The following CSMD1 variants were observed in gnomAD, a reference collection of about 807,000 sequenced individuals.
The protein encoded by CSMD1 is CUB and Sushi multiple domains 1.
In CSMD1, 213 loss-of-function variants were observed where a neutral mutation model predicts 417.5. The observed-to-expected ratio is 0.51, with a 90% CI of 0.46 to 0.57. The LOEUF is 0.57. Among genes scored for constraint, CSMD1 ranks in the 20% least tolerant of loss-of-function variants. The pLI, the probability that CSMD1 is intolerant of heterozygous loss-of-function variation, is 0.00. For synonymous variants in CSMD1, 2,862 were observed against 1,736.8 expected (o/e 1.65, Z -16.11); for missense variants, 6,923 against 4,529.7 (o/e 1.53, Z -15.17).
chr8:4,817,922 C>G (rs1013093780), intron 1 of CSMD1, among the ~76,000 whole-genome samples: 4 of 152,100 alleles, frequency 2.6e-5, no homozygotes, highest in African/African-American at 9.7e-5. Context: ...ATTATCTGCT[C>G]AAACATTATA....
intron 47 of CSMD1, among the ~76,000 whole-genome samples, chr8:3,093,434 A>C (rs1306138257): frequency 1.3e-5 from 2 of 152,206 alleles, no homozygotes; most frequent in Admixed American, 1.3e-4. Flanking sequence ...TGGGAGGTAG[A>C]GGCGAGTGGA....
At chr8:3,807,942 T>A (rs1233451780) in intron 5 of CSMD1, among the ~76,000 whole-genome samples, 1 of 152,224 alleles carries the variant, frequency 6.6e-6, no homozygotes, top group African/African-American at 2.4e-5. Flanking sequence ...TGAGGCTAGG[T>A]GGCTTGCATA....
chr8:3,998,256 T>C (rs1815378840), intron 4 of CSMD1, 146 bp from the exon 5 acceptor site: 2 of 658,706 alleles, frequency 3.0e-6, no homozygotes, highest in Non-Finnish European at 5.2e-6. Context: ...AATCTTTTGG[T>C]ATGTTAATGA....
At chr8:3,663,276 G>A (rs1444484097) in intron 7 of CSMD1, among the ~76,000 whole-genome samples, 1 of 152,164 alleles carries the variant, frequency 6.6e-6, no homozygotes, top group Admixed American at 6.5e-5. Flanking sequence ...TGATACTACT[G>A]ACAGACAGGG....
intron 3 of CSMD1, among the ~76,000 whole-genome samples, chr8:4,128,960 C>G (rs1802926890): frequency 6.6e-6 from 1 of 151,590 alleles, no homozygotes; most frequent in Admixed American, 6.6e-5. Context: ...CCTGTAGTCC[C>G]AGCTACTTGG....
chr8:4,888,962 A>G (rs1459302885), intron 1 of CSMD1, among the ~76,000 whole-genome samples: 1 of 152,098 alleles, frequency 6.6e-6, no homozygotes, highest in Non-Finnish European at 1.5e-5. Flanking sequence ...CTTACAATAT[A>G]ATTCCAATTT....
chr8:3,960,229 T>C (rs1174169016), intron 5 of CSMD1, among the ~76,000 whole-genome samples: 1 of 152,216 alleles, frequency 6.6e-6, no homozygotes, highest in Non-Finnish European at 1.5e-5. Flanking sequence ...AAGAAAATTT[T>C]ATTTCCTCTC....
At chr8:3,514,627 G>C (rs7827872) in intron 10 of CSMD1, among the ~76,000 whole-genome samples, 31,719 of 152,008 alleles carry the variant, frequency 0.21, 6,259 homozygotes, top group African/African-American at 0.52. Context: ...ACTTTTTTCA[G>C]TGCTAGTCAT....
At chr8:4,878,173 G>T (rs1803168222) in intron 1 of CSMD1, among the ~76,000 whole-genome samples, 1 of 152,078 alleles carries the variant, frequency 6.6e-6, no homozygotes, top group African/African-American at 2.4e-5. Context: ...TGAGCAGTTT[G>T]TTTTGGAGGT....
At chr8:3,896,049 C>T (rs545788007) in intron 5 of CSMD1, among the ~76,000 whole-genome samples, 1 of 152,154 alleles carries the variant, frequency 6.6e-6, no homozygotes, top group Admixed American at 6.5e-5. Context: ...GACTGCGGAG[C>T]GCTGGACTCA....
At chr8:4,490,315 C>G (rs1801637733) in intron 2 of CSMD1, among the ~76,000 whole-genome samples, 1 of 152,174 alleles carries the variant, frequency 6.6e-6, no homozygotes. Context: ...GCTGGGATTA[C>G]AGGCATGAGC....
intron 12 of CSMD1, among the ~76,000 whole-genome samples, chr8:3,449,700 T>G (rs1456478387): frequency 6.6e-6 from 1 of 152,136 alleles, no homozygotes; most frequent in Non-Finnish European, 1.5e-5. Flanking sequence ...GTATTTTTAG[T>G]AGAGACAGGG....
rs548802706 is a variant in CSMD1, at chr8:3,454,931, C to T, written c.1561+13781G>A. 4.0e-3 allele frequency among the ~76,000 whole-genome samples: 609 copies of T among 152,266 alleles called. 2 individuals carry two copies. Among genetic ancestry groups the T allele is most frequent in the African/African-American group, 0.014 (563 of 41,566 alleles). ...TTTTCCAACTTGGTTCCATTCTCCC[C>T]GTCACTTTCAGGTACACCAATCAGA... On this transcript the variant is annotated intron_variant, in intron 12 of 69. Transcript: ENST00000635120.
At chr8:4,076,668 G>A (rs947089844) in intron 3 of CSMD1, among the ~76,000 whole-genome samples, 8 of 152,030 alleles carry the variant, frequency 5.3e-5, no homozygotes, top group African/African-American at 9.7e-5. Flanking sequence ...CTTATGCATC[G>A]TGCTCCAAAC....
At chr8:4,221,188 G>A (rs1047329221) in intron 3 of CSMD1, among the ~76,000 whole-genome samples, 6 of 152,138 alleles carry the variant, frequency 3.9e-5, no homozygotes, top group African/African-American at 1.4e-4. Context: ...ATTTCAATCT[G>A]GCTTTAGTCT....
At chr8:3,302,651 C>T (rs527253523) in intron 25 of CSMD1, among the ~76,000 whole-genome samples, 4 of 152,148 alleles carry the variant, frequency 2.6e-5, no homozygotes, top group Admixed American at 6.6e-5. Context: ...ATAGCAGGCA[C>T]CCTGTGAGCA....
At chr8:4,951,460 A>G (rs1808739840) in intron 1 of CSMD1, among the ~76,000 whole-genome samples, 3 of 151,204 alleles carry the variant, frequency 2.0e-5, no homozygotes, top group Admixed American at 2.0e-4. Context: ...AAGGAAGGAA[A>G]GAAGGAAGGA....
At chr8:3,011,203 A>G (rs998424830) in intron 52 of CSMD1, among the ~76,000 whole-genome samples, 1 of 152,170 alleles carries the variant, frequency 6.6e-6, no homozygotes, top group Non-Finnish European at 1.5e-5. Flanking sequence ...CCCACCGCTG[A>G]GAAGTTTGCT....
intron 2 of CSMD1, among the ~76,000 whole-genome samples, chr8:4,435,122 C>A (rs1340476175): frequency 6.6e-6 from 1 of 151,930 alleles, no homozygotes; most frequent in African/African-American, 2.4e-5. Context: ...TAAGGAAAAA[C>A]TGTATTTTAA....
Sources: allele counts gnomAD v4.1 joint callset (sites outside exome capture counted in the v4.1 genomes callset), GRCh38; gene constraint gnomAD v4.1.1; transcripts MANE v1.5; gene names NCBI Gene and HGNC (gene_info 2026-07-23, HGNC 2026-07-21).